ADAM22: variants seen among roughly 807,000 people sequenced by gnomAD.
ADAM22 encodes the protein disintegrin and metalloproteinase domain-containing protein 22.
In ADAM22, 65 loss-of-function variants were observed where a neutral mutation model predicts 144.6. The ratio of observed to expected loss-of-function variants is 0.45; its 90% confidence interval spans 0.37 to 0.55. The LOEUF (loss-of-function observed/expected upper bound fraction) is 0.55, where lower values mean the gene tolerates loss of function less well. Ranked by LOEUF, ADAM22 falls within the 20% of genes least tolerant of loss-of-function variation. The pLI is 0.00. For missense variants in ADAM22, 974 were observed against 1,184.9 expected, an observed-to-expected ratio of 0.82 and a Z score of 2.61; for synonymous variants, 391 against 412.6, an observed-to-expected ratio of 0.95 and a Z score of 0.63.
At chr7:88,039,142 A>G (rs572665492) in intron 3 of ADAM22, among the ~76,000 whole-genome samples, 3 of 152,084 alleles carry the variant, frequency 2.0e-5, no homozygotes, top group Non-Finnish European at 4.4e-5. Flanking sequence ...AAGGAGTTTT[A>G]CATTAGAAAA....
chr7:88,101,080 T>C (rs1822783015), intron 4 of ADAM22, among the ~76,000 whole-genome samples: 1 of 151,522 alleles, frequency 6.6e-6, no homozygotes, highest in African/African-American at 2.4e-5. Context: ...GGTTCCCAAC[T>C]ATGGTAGCAT....
intron 3 of ADAM22, among the ~76,000 whole-genome samples, chr7:87,995,320 C>A (rs998722410): frequency 2.0e-5 from 3 of 152,188 alleles, no homozygotes; most frequent in Non-Finnish European, 4.4e-5. Flanking sequence ...AAAGCTAACA[C>A]AGGCCATAAA....
chr7:87,958,676 G>A (rs1402410452), intron 2 of ADAM22, among the ~76,000 whole-genome samples: 2 of 152,100 alleles, frequency 1.3e-5, no homozygotes, highest in African/African-American at 4.8e-5. Flanking sequence ...GAACCACCGT[G>A]CCCGGCCGAC....
intron 25 of ADAM22, among the ~76,000 whole-genome samples, chr7:88,170,639 C>T (rs370384287): frequency 3.3e-5 from 5 of 151,946 alleles, no homozygotes; most frequent in East Asian, 1.9e-4. Context: ...CGTTATCAAA[C>T]GTGATATGTA....
Position 88,186,800 on chromosome 7 carries a change from G to A in ADAM22, c.2750+99G>A, listed in dbSNP as rs1291917038. On this transcript the variant is annotated intron_variant, in intron 30 of 31. Coordinates refer to ENST00000413139, the MANE Select transcript of ADAM22 (RefSeq NM_001324418.2). ...CTCTATCTTGTATCTCCCAATACAAGTTCCTATAGGTGGAAAGGGGTCCTT... is the reference window on the plus strand; with the variant it reads ...CTCTATCTTGTATCTCCCAATACAAATTCCTATAGGTGGAAAGGGGTCCTT... 5.4e-6 allele frequency: 4 copies of A among 736,132 alleles called. No individual in the cohort carries two copies. In the Admixed American group the frequency reaches 1.0e-4, roughly 19 times the overall value. The allele number at this position is 736,132 out of a possible 1,614,324, so 45.6% of individuals were successfully genotyped here.
At chr7:88,156,715 C>G (rs1017708370) in intron 22 of ADAM22, among the ~76,000 whole-genome samples, 4 of 152,052 alleles carry the variant, frequency 2.6e-5, no homozygotes, top group African/African-American at 7.2e-5. Flanking sequence ...TTGCCACCCT[C>G]CCATGGAAGA....
chr7:88,160,593 A>G (rs561512157), intron 22 of ADAM22, among the ~76,000 whole-genome samples: 1 of 152,286 alleles, frequency 6.6e-6, no homozygotes, highest in East Asian at 1.9e-4. Context: ...GAAGCTGACA[A>G]AAACAAGTAA....
At chr7:88,049,700 C>T (rs763627132) in intron 3 of ADAM22, among the ~76,000 whole-genome samples, 4 of 152,078 alleles carry the variant, frequency 2.6e-5, no homozygotes, top group South Asian at 2.1e-4. Context: ...CCCGGCCTAC[C>T]GTGTACATTA....
chr7:88,060,479 C>T (rs1809476625), intron 3 of ADAM22, among the ~76,000 whole-genome samples: 2 of 152,118 alleles, frequency 1.3e-5, no homozygotes, highest in Non-Finnish European at 2.9e-5. Flanking sequence ...CTTAAAAATA[C>T]ACTGTTTTTG....
intron 2 of ADAM22, among the ~76,000 whole-genome samples, chr7:87,961,793 T>G (rs1487380825): frequency 6.6e-6 from 1 of 152,132 alleles, no homozygotes; most frequent in African/African-American, 2.4e-5. Context: ...CAGAGTTTTG[T>G]TAGTGATTTA....
chr7:88,050,790 T>C (rs926814774), intron 3 of ADAM22, among the ~76,000 whole-genome samples: 2 of 152,216 alleles, frequency 1.3e-5, no homozygotes, highest in Non-Finnish European at 2.9e-5. Context: ...TTGCAAAAAT[T>C]TTCTCCCATT....
intron 2 of ADAM22, among the ~76,000 whole-genome samples, chr7:87,968,344 A>G (rs1016199183): frequency 1.3e-5 from 2 of 152,130 alleles, no homozygotes; most frequent in Middle Eastern, 3.2e-3. Flanking sequence ...AGAATCGCTG[A>G]ATTTGAGGCA....
In ADAM22 at chr7:88,134,408, A is replaced by G. The variant is rs1832525139; in HGVS notation, c.1157A>G (p.Lys386Arg). Reference sequence around the variant, plus strand: ...ATTGGTATTATCTCAGACAAAAGAAAGTTAGCAAGTGGTAAGTTTTAGTAC... The same window carrying G: ...ATTGGTATTATCTCAGACAAAAGAAGGTTAGCAAGTGGTAAGTTTTAGTAC... ...HNIGIISDKR[K>R]LASGECKCED... Residue 386 changes from lysine (K) to arginine (R), a missense_variant, in exon 13 of 32, where the codon AAG becomes AGG. Around this residue, in one of 2 missense-constraint regions of ADAM22, gnomAD observed 734 missense variants for 950.6 expected, o/e 0.77. Coordinates refer to ENST00000413139, the MANE Select transcript of ADAM22 (RefSeq NM_001324418.2). 6.2e-7 allele frequency: 1 copy of G among 1,608,504 alleles called. No homozygotes were observed. The highest frequency in any genetic ancestry group is 1.7e-5 in the Admixed American group (1 of 59,460).
At chr7:88,081,489 A>G (rs1384807552) in intron 4 of ADAM22, among the ~76,000 whole-genome samples, 1 of 152,186 alleles carries the variant, frequency 6.6e-6, no homozygotes, top group Non-Finnish European at 1.5e-5. Context: ...AGTTCTGGCT[A>G]GGGCAGTCAG....
chr7:88,108,205 T>C lies in ADAM22; in HGVS notation c.420T>C (p.His140=). ...KGGEHCYYQG[H]IRGNPDSFVA... is the part of the protein sequence containing the mutation. ...GAGAGCACTGTTACTACCAGGGCCA[T>C]ATCCGAGGAAACCCTGACTCATTTG... The change falls in exon 5 of 32, where the codon CAT becomes CAC. Residue 140 remains histidine (H), a synonymous_variant. Coordinates refer to ENST00000413139, the MANE Select transcript of ADAM22 (RefSeq NM_001324418.2). 3 of 1,613,910 alleles carry C rather than the reference T, an allele frequency of 1.9e-6. No individual in the cohort carries two copies. Among genetic ancestry groups the C allele is most frequent in the Non-Finnish European group, 2.5e-6 (3 of 1,179,908 alleles).
chr7:88,052,269 G>A (rs866651305), intron 3 of ADAM22, among the ~76,000 whole-genome samples: 22 of 151,580 alleles, frequency 1.5e-4, no homozygotes, highest in African/African-American at 4.1e-4. Flanking sequence ...AGACCGAGTC[G>A]GGCAGATCAT....
At chr7:88,035,548 C>T (rs1252956018) in intron 3 of ADAM22, among the ~76,000 whole-genome samples, 3 of 152,190 alleles carry the variant, frequency 2.0e-5, no homozygotes, top group Admixed American at 6.5e-5. Context: ...TTCAACCAAC[C>T]GTGGATCAAA....
chr7:88,160,824 A>G (rs988037425), intron 22 of ADAM22, among the ~76,000 whole-genome samples: 4 of 152,148 alleles, frequency 2.6e-5, no homozygotes, highest in Non-Finnish European at 5.9e-5. Flanking sequence ...AGGGACATGG[A>G]TGAAGCTGGA....
At chr7:88,146,878 GA>G (rs1357920117) in intron 17 of ADAM22, among the ~76,000 whole-genome samples, 1 of 152,158 alleles carries the variant, frequency 6.6e-6, no homozygotes, top group Non-Finnish European at 1.5e-5. Flanking sequence ...AGAGATCTCT[GA>G]AAGCACTCTG....
Sources: gnomAD v4.1 joint callset for allele counts (sites outside exome capture counted in the v4.1 genomes callset) on GRCh38, gnomAD v4.1.1 for gene constraint, gnomAD v4.1.1 regional missense constraint, MANE v1.5 for transcripts, NCBI Gene and HGNC (gene_info 2026-07-23, HGNC 2026-07-21) for gene names.